MDGA2: variants seen among roughly 807,000 people sequenced by gnomAD.
The protein encoded by MDGA2 is MAM domain containing glycosylphosphatidylinositol anchor 2, also known as MAM domain-containing glycosylphosphatidylinositol anchor protein 2.
A neutral mutation model predicts 117.8 loss-of-function variants in MDGA2; 40 were observed. The ratio of observed to expected loss-of-function variants is 0.34; its 90% CI spans 0.26 to 0.44. MDGA2 has a LOEUF of 0.44. MDGA2 is among the 20% of genes least tolerant of loss of function. The pLI is 1.00. For missense variants in MDGA2, 1,123 were observed against 1,250.6 expected, an observed-to-expected ratio of 0.90 and a Z score of 1.54; for synonymous variants, 452 against 439.0, an observed-to-expected ratio of 1.03 and a Z score of -0.37.
intron 3 of MDGA2, among the ~76,000 whole-genome samples, chr14:47,207,295 G>C (rs1252656530): frequency 6.6e-6 from 1 of 151,778 alleles, no homozygotes; most frequent in Non-Finnish European, 1.5e-5. Context: ...CAGAATAGGA[G>C]AAAAAATAAG....
intron 1 of MDGA2, among the ~76,000 whole-genome samples, chr14:47,545,913 G>A (rs1895453617): frequency 6.6e-6 from 1 of 152,094 alleles, no homozygotes; most frequent in Admixed American, 6.6e-5. Context: ...TTTATGAACA[G>A]GTTGTATTTT....
rs576921061 is a variant in MDGA2 at position 46,940,306 on chromosome 14, C to A, written c.2089+17068G>T. 5.9e-5 allele frequency among the ~76,000 whole-genome samples: 9 copies of A among 152,190 alleles called. 1 individual carries two copies. The highest frequency in any genetic ancestry group is 1.9e-4 in the African/African-American group (8 of 41,518). ...TAAGCTGCATATAAATGTATTTAGT[C>A]TTGACTAAAGCTATATCTTTCCTTA... On this transcript the variant is annotated intron_variant, in intron 9 of 16. Coordinates refer to ENST00000399232, the MANE Select transcript of MDGA2 (RefSeq NM_001113498.3).
intron 3 of MDGA2, among the ~76,000 whole-genome samples, chr14:47,194,536 T>TC (rs1353296722): frequency 3.6e-4 from 55 of 152,228 alleles, no homozygotes; most frequent in Admixed American, 7.2e-4. Context: ...CTCATTCCAC[T>TC]AGGTTAACTG....
At chr14:47,471,337 A>T (rs1461258135) in intron 1 of MDGA2, among the ~76,000 whole-genome samples, 1 of 152,036 alleles carries the variant, frequency 6.6e-6, no homozygotes, top group East Asian at 1.9e-4. Context: ...GCAGTGAGAA[A>T]GTTGTAAAAT....
At chr14:47,607,666 C>A (rs1359848942) in intron 1 of MDGA2, among the ~76,000 whole-genome samples, 1 of 152,042 alleles carries the variant, frequency 6.6e-6, no homozygotes, top group African/African-American at 2.4e-5. Context: ...GTAGTGAGGT[C>A]ATCAGATCAA....
chr14:46,950,222 AGATTTCG>A (rs1885321572), intron 9 of MDGA2, among the ~76,000 whole-genome samples: 1 of 151,858 alleles, frequency 6.6e-6, no homozygotes, highest in African/African-American at 2.4e-5. Flanking sequence ...CTAATTTTTC[AGATTTCG>A]CATGGATTCC....
intron 10 of MDGA2, among the ~76,000 whole-genome samples, chr14:46,900,395 G>A (rs1883238291): frequency 6.6e-6 from 1 of 152,100 alleles, no homozygotes; most frequent in African/African-American, 2.4e-5. Context: ...TTTTCACACA[G>A]GAACTTGTAC....
chr14:46,934,408 A>G (rs1884703852), intron 9 of MDGA2, among the ~76,000 whole-genome samples: 1 of 152,182 alleles, frequency 6.6e-6, no homozygotes, highest in Non-Finnish European at 1.5e-5. Context: ...TTTCACAAAT[A>G]TTAACTTAGT....
chr14:46,858,393 T>C (rs1049428644), intron 14 of MDGA2, among the ~76,000 whole-genome samples: 1 of 150,836 alleles, frequency 6.6e-6, no homozygotes, highest in Admixed American at 6.6e-5. Context: ...ACATTTATAA[T>C]ACTTTTTTTC....
rs10130448 is a variant in MDGA2 at position 47,093,950 on chromosome 14, A to G, written c.1195+2904T>C. ...GAGATAAACCTAGATTTCTATATCTACTGTATCCATGACACAATTAATCTA... is the reference window on the plus strand; with the variant it reads ...GAGATAAACCTAGATTTCTATATCTGCTGTATCCATGACACAATTAATCTA... On this transcript the variant is annotated intron_variant, in intron 6 of 16. Transcript: ENST00000399232. 3.9e-3 allele frequency among the ~76,000 whole-genome samples: 601 copies of G among 152,212 alleles called. 4 individuals carry two copies. Among genetic ancestry groups the G allele is most frequent in the African/African-American group, 0.014 (572 of 41,562 alleles).
intron 9 of MDGA2, 88 bp from the exon 10 acceptor site, chr14:46,920,248 C>G: frequency 8.1e-7 from 1 of 1,230,946 alleles, no homozygotes; most frequent in Non-Finnish European, 1.1e-6. Flanking sequence ...ACCATTTCTA[C>G]TATATTTTTC....
At chr14:47,349,900 C>G (rs1314154849) in intron 1 of MDGA2, among the ~76,000 whole-genome samples, 6 of 152,160 alleles carry the variant, frequency 3.9e-5, no homozygotes, top group African/African-American at 1.4e-4. Flanking sequence ...CCATGTGGCT[C>G]CAGCCAGTGA....
Position 46,884,768 on chromosome 14 carries a change from T to G in MDGA2, c.2239-2547A>C, listed in dbSNP as rs1450208931. Among the ~76,000 whole-genome samples the G allele has an allele frequency of 6.6e-6, 1 of 152,098 alleles. No homozygotes were observed. The highest frequency in any genetic ancestry group is 1.5e-5 in the Non-Finnish European group (1 of 68,016). Reference sequence around the variant, plus strand: ...TTCAGTCTCAGGAGTATTAAACAATTAAATTTAAAACATACAATTTAAATC... The same window carrying G: ...TTCAGTCTCAGGAGTATTAAACAATGAAATTTAAAACATACAATTTAAATC... On this transcript the variant is annotated intron_variant, in intron 10 of 16. Coordinates refer to ENST00000399232, the MANE Select transcript of MDGA2 (RefSeq NM_001113498.3). This position sits in a 1 kb window ranked among gnomAD's most constrained non-coding sequence, Gnocchi z 4.1.
intron 7 of MDGA2, among the ~76,000 whole-genome samples, chr14:47,054,928 G>T (rs1324740621): frequency 6.7e-6 from 1 of 150,058 alleles, no homozygotes; most frequent in Non-Finnish European, 1.5e-5. Context: ...TAAGCTTTCT[G>T]TATCTTTTTT....
At chr14:47,119,184 C>G (rs7157932) in intron 5 of MDGA2, among the ~76,000 whole-genome samples, 34,988 of 63,878 alleles carry the variant, frequency 0.55, 13,330 homozygotes, top group East Asian at 0.82. Context: ...GCCCCCCCCC[C>G]CCCACCCCGT....
intron 1 of MDGA2, among the ~76,000 whole-genome samples, chr14:47,396,788 C>T (rs1892020115): frequency 6.6e-6 from 1 of 152,050 alleles, no homozygotes; most frequent in African/African-American, 2.4e-5. Flanking sequence ...CAATGAGATA[C>T]CATCTCATGC....
intron 1 of MDGA2, among the ~76,000 whole-genome samples, chr14:47,560,380 AT>A (rs1895776007): frequency 6.6e-6 from 1 of 151,988 alleles, no homozygotes; most frequent in African/African-American, 2.4e-5. Context: ...CTATTTTAGG[AT>A]TTTTTAATAA....
chr14:47,225,605 T>C (rs1039409313), intron 2 of MDGA2, among the ~76,000 whole-genome samples: 24 of 148,560 alleles, frequency 1.6e-4, no homozygotes, highest in South Asian at 4.2e-4. Context: ...AGGTGGGAAT[T>C]GAACAATGAG....
At chr14:47,439,121 T>TAAAAAAAAAGA (rs1892952268) in intron 1 of MDGA2, among the ~76,000 whole-genome samples, 1 of 150,406 alleles carries the variant, frequency 6.6e-6, no homozygotes, top group South Asian at 2.1e-4. Flanking sequence ...TGGTTAATAA[T>TAAAAAAAAAGA]AAAAAAAAAG....
Sources: allele counts gnomAD v4.1 joint callset (sites outside exome capture counted in the v4.1 genomes callset), GRCh38; gene constraint gnomAD v4.1.1; non-coding constraint Gnocchi (gnomAD v3.1); transcripts MANE v1.5; gene names NCBI Gene and HGNC (gene_info 2026-07-23, HGNC 2026-07-21).